Variants in RANBP17 observed in about 807,000 individuals in gnomAD.
RANBP17 encodes RAN binding protein 17, also known as ran-binding protein 17.
In RANBP17, 158 loss-of-function variants were observed where a neutral mutation model predicts 141.2. The ratio of observed to expected loss-of-function variants is 1.12; its 90% CI spans 0.98 to 1.28. RANBP17 has a LOEUF of 1.28. Ranked by LOEUF, RANBP17 falls within the 50% of genes most tolerant of loss-of-function variation. RANBP17 has a pLI of 0.00. For synonymous variants in RANBP17, 430 were observed against 450.0 expected, an observed-to-expected ratio of 0.96 and a Z score of 0.56; for missense variants, 1,438 against 1,290.7, an observed-to-expected ratio of 1.11 and a Z score of -1.75.
At chr5:171,020,376 C>A (rs1000002188) in intron 14 of RANBP17, among the ~76,000 whole-genome samples, 1 of 152,122 alleles carries the variant, frequency 6.6e-6, no homozygotes, top group African/African-American at 2.4e-5. Flanking sequence ...GTGTTAAAGT[C>A]TCCCATTATT....
At chr5:171,248,292 G>A (rs1214936746) in intron 24 of RANBP17, among the ~76,000 whole-genome samples, 3 of 151,598 alleles carry the variant, frequency 2.0e-5, no homozygotes, top group African/African-American at 4.8e-5. Context: ...GCATGAACCC[G>A]GGAGGTGGAG....
chr5:171,265,234 T>A lies in RANBP17; in HGVS notation c.2777-447T>A, dbSNP rs1043858879. 2.6e-5 allele frequency among the ~76,000 whole-genome samples: 4 copies of A among 152,068 alleles called. No homozygotes were observed. In the East Asian group the frequency reaches 5.8e-4, roughly 22 times the overall value. On this transcript the variant is annotated intron_variant, in intron 24 of 27. Transcript: ENST00000523189. Reference sequence around the variant, plus strand: ...TATAATAGACACTGGGTTCAAAGAGTTATATAAGACAAATTCCTGGCTGGA... The same window carrying A: ...TATAATAGACACTGGGTTCAAAGAGATATATAAGACAAATTCCTGGCTGGA...
intron 14 of RANBP17, among the ~76,000 whole-genome samples, chr5:171,069,873 G>A (rs746875676): frequency 2.6e-4 from 40 of 152,280 alleles, no homozygotes; most frequent in Non-Finnish European, 5.6e-4. Flanking sequence ...TCAGAAAAGA[G>A]ATTAAGCATA....
At chr5:171,129,282 A>G (rs1251913909) in intron 14 of RANBP17, among the ~76,000 whole-genome samples, 1 of 133,292 alleles carries the variant, frequency 7.5e-6, no homozygotes. Context: ...TCAGTAGGAA[A>G]CAATTTATAG....
intron 25 of RANBP17, among the ~76,000 whole-genome samples, chr5:171,273,160 C>G (rs1461253849): frequency 6.6e-6 from 1 of 152,222 alleles, no homozygotes; most frequent in East Asian, 1.9e-4. Context: ...TTGCATCTCT[C>G]TCCCGTATCC....
intron 22 of RANBP17, 49 bp from the exon 23 acceptor site, chr5:171,240,879 C>T: frequency 7.9e-7 from 1 of 1,271,322 alleles, no homozygotes; most frequent in Non-Finnish European, 1.1e-6. Flanking sequence ...CCCATAACTA[C>T]TTTGAATGAC....
chr5:170,968,842 G>A (rs750252214), intron 14 of RANBP17: 4 of 376,626 alleles, frequency 1.1e-5, no homozygotes, highest in South Asian at 2.1e-5. Context: ...CTTAATGTTA[G>A]GAATACTCAT....
chr5:171,141,568 CTA>C (rs1199871971), intron 14 of RANBP17, among the ~76,000 whole-genome samples: 1 of 127,226 alleles, frequency 7.9e-6, no homozygotes, highest in African/African-American at 2.9e-5. Flanking sequence ...GATCTCACCA[CTA>C]CACTCCAGCC....
chr5:170,930,548 T>C (rs13156279), intron 12 of RANBP17, among the ~76,000 whole-genome samples: 92,925 of 151,804 alleles, frequency 0.61, 29,829 homozygotes, highest in South Asian at 0.89. Context: ...CTCCTAATGC[T>C]ATCCCTCCCC....
chr5:171,204,876 A>T (rs1762483742), intron 19 of RANBP17, among the ~76,000 whole-genome samples: 1 of 152,190 alleles, frequency 6.6e-6, no homozygotes, highest in African/African-American at 2.4e-5. Context: ...AGCCCCTTTT[A>T]TAGATGACAA....
intron 14 of RANBP17, among the ~76,000 whole-genome samples, chr5:171,011,614 A>G (rs1421709610): frequency 1.3e-5 from 2 of 152,066 alleles, no homozygotes; most frequent in Admixed American, 6.6e-5. Context: ...ACATTTATGC[A>G]TACATATGAT....
At chr5:170,881,929 C>A in intron 3 of RANBP17, 33 bp downstream of exon 3, 5 of 1,399,854 alleles carry the variant, frequency 3.6e-6, no homozygotes, top group Non-Finnish European at 4.9e-6. Flanking sequence ...TAACCAACTG[C>A]GCTTTAAAAA....
At chr5:171,161,291 ATAAG>A (rs2127857101) in intron 14 of RANBP17, 1 of 177,318 alleles carries the variant, frequency 5.6e-6, no homozygotes, top group African/African-American at 2.4e-5. Flanking sequence ...CAAGAATATC[ATAAG>A]TAACAACCAC....
intron 14 of RANBP17, among the ~76,000 whole-genome samples, chr5:170,972,716 AGTAGAAT>A (rs1424170109): frequency 6.6e-6 from 1 of 152,176 alleles, no homozygotes; most frequent in African/African-American, 2.4e-5. Context: ...GAAGATAAAT[AGTAGAAT>A]TGCTGGGCTG....
At chr5:171,206,413 T>TATTGTTCTAATAGTGTTGTA (rs1216229531) in intron 20 of RANBP17, 1 of 153,716 alleles carries the variant, frequency 6.5e-6, no homozygotes, top group Non-Finnish European at 1.4e-5. Flanking sequence ...TGGTCGTTAA[T>TATTGTTCTAATAGTGTTGTA]ATTGTTCTAA....
intron 14 of RANBP17, among the ~76,000 whole-genome samples, chr5:171,071,653 C>CAAAAAAAA (rs34555837): frequency 4.3e-5 from 3 of 69,636 alleles, no homozygotes; most frequent in African/African-American, 5.9e-5. Context: ...CAGCTTTATG[C>CAAAAAAAA]AAAAAAAAAA....
At chr5:171,115,944 G>A (rs1007331725) in intron 14 of RANBP17, among the ~76,000 whole-genome samples, 1 of 152,164 alleles carries the variant, frequency 6.6e-6, no homozygotes, top group African/African-American at 2.4e-5. Flanking sequence ...TCCTAGCCCA[G>A]CCATTTAGAT....
At chr5:171,164,786 G>GACAATACACA (rs1759565067) in intron 14 of RANBP17, among the ~76,000 whole-genome samples, 1 of 152,282 alleles carries the variant, frequency 6.6e-6, no homozygotes, top group African/African-American at 2.4e-5. Flanking sequence ...ACATTGAGAA[G>GACAATACACA]TAGAAAGAAT....
intron 14 of RANBP17, among the ~76,000 whole-genome samples, chr5:170,979,732 T>G (rs1432646813): frequency 6.6e-6 from 1 of 152,242 alleles, no homozygotes; most frequent in Non-Finnish European, 1.5e-5. Flanking sequence ...CATATGGAAC[T>G]GTAAGTCCAG....
Sources: allele counts gnomAD v4.1 joint callset (sites outside exome capture counted in the v4.1 genomes callset), GRCh38; gene constraint gnomAD v4.1.1; transcripts MANE v1.5; gene names NCBI Gene and HGNC (gene_info 2026-07-23, HGNC 2026-07-21).